FSD2: variants seen among roughly 807,000 people sequenced by gnomAD.
FSD2 encodes fibronectin type III and SPRY domain containing 2, also known as fibronectin type III and SPRY domain-containing protein 2.
A neutral mutation model predicts 80.4 loss-of-function variants in FSD2; 71 were observed. That is an observed-to-expected ratio of 0.88 (90% confidence interval 0.73 to 1.08). The LOEUF is 1.08. Among genes scored for constraint, FSD2 ranks in the 50% least tolerant of loss-of-function variants. The pLI, the probability that FSD2 is intolerant of heterozygous loss-of-function variation, is 0.00. For synonymous variants in FSD2, 361 were observed against 329.5 expected (o/e 1.10, Z -1.03); for missense variants, 923 against 913.8 (o/e 1.01, Z -0.13).
At chr15:82,769,921 A>C in intron 7 of FSD2, 37 bp from the exon 8 acceptor site, 1 of 1,609,860 alleles carries the variant, frequency 6.2e-7, no homozygotes, top group Non-Finnish European at 8.5e-7. Context: ...AACCCTAAAA[A>C]CTGGCCAAGT....
intron 6 of FSD2, among the ~76,000 whole-genome samples, chr15:82,777,384 A>G (rs2049739191): frequency 6.6e-6 from 1 of 152,200 alleles, no homozygotes; most frequent in Non-Finnish European, 1.5e-5. Context: ...CAAAAATCCA[A>G]ACCGATTAAA....
At chr15:82,780,333 C>A (rs958791626) in intron 4 of FSD2, 66 bp from the exon 5 acceptor site, 30 of 1,154,528 alleles carry the variant, frequency 2.6e-5, no homozygotes, top group Non-Finnish European at 3.4e-5. Context: ...CTTTTTCTTT[C>A]TTTCTTTTTT....
In FSD2 at chr15:82,783,035, A is replaced by C. The variant is rs375312749; in HGVS notation, c.736-10T>G. ...GTTTTCCAAAATTCTCCTGCAAGAC[A>C]GTTGATCTCAGTCATCATTTCAGCG... On this transcript the variant is annotated splice_polypyrimidine_tract_variant and intron_variant, in intron 3 of 12. Transcript: ENST00000334574. The C allele has an allele frequency of 6.4e-7, 1 of 1,564,702 alleles. No individual in the cohort carries two copies. Among genetic ancestry groups the C allele is most frequent in the Non-Finnish European group, 8.8e-7 (1 of 1,138,650 alleles).
At chr15:82,769,702 T>C in intron 8 of FSD2, 48 bp downstream of exon 8, 1 of 1,573,192 alleles carries the variant, frequency 6.4e-7, no homozygotes. Context: ...ATGACTCCTG[T>C]GTCCGCTTGA....
intron 1 of FSD2, among the ~76,000 whole-genome samples, chr15:82,799,766 G>A (rs1216452532): frequency 1.3e-5 from 2 of 152,180 alleles, no homozygotes; most frequent in Non-Finnish European, 2.9e-5. Context: ...CACACACGTC[G>A]CCTTGGGGTT....
At chr15:82,782,157 A>T (rs1223542856) in intron 4 of FSD2, among the ~76,000 whole-genome samples, 1 of 150,820 alleles carries the variant, frequency 6.6e-6, no homozygotes, top group African/African-American at 2.4e-5. Context: ...GCACTTCGGG[A>T]GGCCAAGGTG....
In FSD2 at chr15:82,787,274, C is replaced by G; in HGVS notation, c.117G>C (p.Glu39Asp). The change falls in exon 2 of 13, where the codon GAG becomes GAC. Residue 39 changes from glutamate (E) to aspartate (D), a missense_variant. Glu to Asp is a conservative substitution (Grantham distance 45). Transcript: ENST00000334574. The part of the protein sequence containing the change: ...SEDRLHLFPE[E>D]NTRMRKVVQA... ...GGACTACTTTCCTCATCCTAGTGTT[C>G]TCTTCTGGAAAGAGGTGCAGTCTGT... 6.2e-7 allele frequency: 1 copy of G among 1,613,876 alleles called. No individual in the cohort carries two copies. The highest frequency in any genetic ancestry group is 8.5e-7 in the Non-Finnish European group (1 of 1,179,882).
chr15:82,784,363 G>A (rs1371951456), intron 3 of FSD2, among the ~76,000 whole-genome samples: 2 of 151,688 alleles, frequency 1.3e-5, no homozygotes, highest in Non-Finnish European at 2.9e-5. Context: ...TCCTGTCTCA[G>A]CCTCCCAAGT....
chr15:82,768,186 C>T (rs533304579), intron 9 of FSD2, among the ~76,000 whole-genome samples: 1 of 152,342 alleles, frequency 6.6e-6, no homozygotes, highest in Admixed American at 6.5e-5. Flanking sequence ...GCTGCAATCT[C>T]TTTTGTTTTC....
Position 82,759,295 on chromosome 15 carries a change from G to T in FSD2, c.*53C>A. Reference sequence around the variant, plus strand: ...CCAGGTTCAGCCAGCTAAGGCGTGAGCAGCTGCGAGAGGGGTAGGCATGGA... The same window carrying T: ...CCAGGTTCAGCCAGCTAAGGCGTGATCAGCTGCGAGAGGGGTAGGCATGGA... On this transcript the variant is annotated 3_prime_UTR_variant, in exon 13 of 13. Transcript: ENST00000334574. The T allele has an allele frequency of 6.3e-7, 1 of 1,585,666 alleles. No individual in the cohort carries two copies. The highest frequency in any genetic ancestry group is 8.6e-7 in the Non-Finnish European group (1 of 1,166,820).
chr15:82,802,853 T>G (rs1596269040), intron 1 of FSD2, among the ~76,000 whole-genome samples: 1 of 152,162 alleles, frequency 6.6e-6, no homozygotes, highest in South Asian at 2.1e-4. Context: ...TCTGCACCCA[T>G]GCAGAGGTCA....
Position 82,786,739 on chromosome 15 carries a change from G to C in FSD2, c.639+13C>G. 1 of 1,611,354 alleles carries C rather than the reference G, an allele frequency of 6.2e-7. No homozygotes were observed. The highest frequency in any genetic ancestry group is 8.5e-7 in the Non-Finnish European group (1 of 1,178,226). ...AATATCAAGACAGAGAAGAACCAAG[G>C]ACACCTATTTACCTTGGCACTTTCC... is the stretch of plus-strand genomic sequence containing the variant. On this transcript the variant is annotated intron_variant, in intron 2 of 12. Transcript: ENST00000334574.
At position 82,782,938 on chromosome 15, in the gene FSD2, G is replaced by T. The variant is rs528629298; in HGVS notation, c.823C>A (p.Gln275Lys). The stretch of plus-strand genomic sequence containing the variant: ...TCTTTCTTTTTCTCCCCTAGAGCTT[G>T]TATTTTTTCCTCATATTTTTGAGCA... Reference protein sequence around the residue: ...TLAQKYEEKIQALGEKKKEKL... With the variant: ...TLAQKYEEKIKALGEKKKEKL... Residue 275 changes from glutamine to lysine, a missense_variant, in exon 4 of 13, where the codon CAA becomes AAA. Coordinates refer to ENST00000334574, the MANE Select transcript of FSD2 (RefSeq NM_001007122.4). The T allele has an allele frequency of 1.1e-5, 18 of 1,613,676 alleles. No individual in the cohort carries two copies. In the South Asian group the frequency reaches 2.0e-4, roughly 18 times the overall value.
rs185130182 is a variant in FSD2 at position 82,798,030 on chromosome 15, A to G, written c.-79+7936T>C. Among the ~76,000 whole-genome samples the G allele has an allele frequency of 5.9e-5, 9 of 152,132 alleles. No homozygotes were observed. In the South Asian group the frequency reaches 1.7e-3, roughly 28 times the overall value. On this transcript the variant is annotated intron_variant, in intron 1 of 12. Coordinates refer to ENST00000334574, the MANE Select transcript of FSD2 (RefSeq NM_001007122.4). Reference sequence around the variant, plus strand: ...AAGTATCATAGATGACCAACAAAAGACTTTCCAAGCACAGAAAAATATTAC... The same window carrying G: ...AAGTATCATAGATGACCAACAAAAGGCTTTCCAAGCACAGAAAAATATTAC...
intron 1 of FSD2, among the ~76,000 whole-genome samples, chr15:82,805,465 G>A (rs1113452): frequency 3.3e-5 from 5 of 152,168 alleles, no homozygotes; most frequent in East Asian, 1.9e-4. Flanking sequence ...GACACTGCCC[G>A]AACCTGAAAA....
rs1325792509 is a variant in FSD2 at position 82,769,822 on chromosome 15, A to C, written c.1330T>G (p.Tyr444Asp). The C allele has an allele frequency of 2.5e-6, 4 of 1,613,854 alleles. No homozygotes were observed. The highest frequency in any genetic ancestry group is 3.4e-6 in the Non-Finnish European group (4 of 1,179,824). The change falls in exon 8 of 13, where the codon TAT becomes GAT. Residue 444 changes from tyrosine (Y) to aspartate (D), a missense_variant. Coordinates refer to ENST00000334574, the MANE Select transcript of FSD2 (RefSeq NM_001007122.4). ...SVTNLVPNTQ[Y>D]EFWVTAHNRA... The stretch of plus-strand genomic sequence containing the variant: ...TTGTGAGCTGTGACCCAAAATTCAT[A>C]CTGGGTATTTGGCACAAGGTTTGTC...
intron 6 of FSD2, 147 bp downstream of exon 6, chr15:82,778,619 A>G: frequency 2.3e-6 from 2 of 884,012 alleles, no homozygotes; most frequent in Non-Finnish European, 3.4e-6. Context: ...TATGCTGTAC[A>G]ACACAGTACC....
chr15:82,772,750 TC>T (rs1311352312), intron 6 of FSD2, among the ~76,000 whole-genome samples: 1 of 152,234 alleles, frequency 6.6e-6, no homozygotes, highest in Non-Finnish European at 1.5e-5. Context: ...TTAATTCTTT[TC>T]TTCTCTGTAG....
chr15:82,769,851 G>GA lies in FSD2; in HGVS notation c.1300dup (p.Ser434PhefsTer12). The GA allele has an allele frequency of 6.2e-7, 1 of 1,613,866 alleles. No homozygotes were observed. The highest frequency in any genetic ancestry group is 2.2e-5 in the East Asian group (1 of 44,874). On this transcript the variant is annotated frameshift_variant, in exon 8 of 13. Transcript: ENST00000334574. LOFTEE classifies it high-confidence loss of function. ...GGTATTTGGCACAAGGTTTGTCACT[G>GA]AGCAATATGTTTCTTTGACAGTCAC... is the stretch of plus-strand genomic sequence containing the variant.
Sources: allele counts gnomAD v4.1 joint callset (sites outside exome capture counted in the v4.1 genomes callset), GRCh38; gene constraint gnomAD v4.1.1; transcripts MANE v1.5; gene names NCBI Gene and HGNC (gene_info 2026-07-23, HGNC 2026-07-21).